Variants in SLC25A21 observed in about 807,000 individuals in gnomAD.
SLC25A21 encodes the protein mitochondrial 2-oxodicarboxylate carrier.
In SLC25A21, 47 loss-of-function variants were observed where a neutral mutation model predicts 43.8. The ratio of observed to expected loss-of-function variants is 1.07; its 90% CI spans 0.85 to 1.37. The LOEUF (loss-of-function observed/expected upper bound fraction) is 1.37. Among genes scored for constraint, SLC25A21 ranks in the 40% most tolerant of loss-of-function variants. SLC25A21 has a pLI of 0.00. For missense variants in SLC25A21, 352 were observed against 350.2 expected (o/e 1.00, Z -0.04); for synonymous variants, 131 against 121.3 (o/e 1.08, Z -0.52).
Position 36,678,483 on chromosome 14 carries a change from G to C in SLC25A21, c.*2175C>G. ...CTTCCATTGACATCTGGAGTTCCCAGTCTGGTGAGAAAATAGACTATAAAC... is the reference window on the plus strand; with the variant it reads ...CTTCCATTGACATCTGGAGTTCCCACTCTGGTGAGAAAATAGACTATAAAC... On this transcript the variant is annotated 3_prime_UTR_variant, in exon 10 of 10. Coordinates refer to ENST00000331299, the MANE Select transcript of SLC25A21 (RefSeq NM_030631.4). 6.5e-7 allele frequency: 1 copy of C among 1,536,674 alleles called. No homozygotes were observed. Among genetic ancestry groups the C allele is most frequent in the African/African-American group, 1.4e-5 (1 of 73,134 alleles).
rs144358527 is a variant in SLC25A21, at chr14:36,979,630, A to G, written c.71-104626T>C. 2.7e-4 allele frequency among the ~76,000 whole-genome samples: 41 copies of G among 152,344 alleles called. 1 individual carries two copies. The highest frequency in any genetic ancestry group is 9.6e-4 in the African/African-American group (40 of 41,590). On this transcript the variant is annotated intron_variant, in intron 1 of 9. Coordinates refer to ENST00000331299, the MANE Select transcript of SLC25A21 (RefSeq NM_030631.4). ...CTTGACCTCTCAAAGTGCAGGTATT[A>G]CAGGCGCAAGCCACCATGCCCAGCC...
At chr14:36,977,732 C>CA (rs1959912401) in intron 1 of SLC25A21, among the ~76,000 whole-genome samples, 1 of 151,942 alleles carries the variant, frequency 6.6e-6, no homozygotes, top group African/African-American at 2.4e-5. Context: ...ACATTACTGT[C>CA]AAAAAGGGAT....
At chr14:36,733,756 G>A (rs1427783166) in intron 4 of SLC25A21, among the ~76,000 whole-genome samples, 1 of 152,160 alleles carries the variant, frequency 6.6e-6, no homozygotes, top group African/African-American at 2.4e-5. Context: ...GGTGATGTCA[G>A]TGGTGCGGGG....
chr14:37,052,973 T>C (rs753860255), intron 1 of SLC25A21, among the ~76,000 whole-genome samples: 47 of 152,234 alleles, frequency 3.1e-4, no homozygotes, highest in Admixed American at 7.9e-4. Flanking sequence ...TTGTCCTTTA[T>C]ATAATCTAAG....
At chr14:37,164,699 CT>C (rs1555350983) in intron 1 of SLC25A21, among the ~76,000 whole-genome samples, 2 of 152,112 alleles carry the variant, frequency 1.3e-5, no homozygotes, top group Non-Finnish European at 2.9e-5. Context: ...AAGGAGTAAT[CT>C]TGTGAAAATG....
intron 1 of SLC25A21, among the ~76,000 whole-genome samples, chr14:36,974,302 T>A (rs925738268): frequency 6.6e-6 from 1 of 152,238 alleles, no homozygotes; most frequent in Non-Finnish European, 1.5e-5. Flanking sequence ...GTTAGAAATA[T>A]GACTCATGCT....
At chr14:36,845,540 C>T (rs965749927) in intron 2 of SLC25A21, among the ~76,000 whole-genome samples, 8 of 152,134 alleles carry the variant, frequency 5.3e-5, no homozygotes, top group Admixed American at 3.9e-4. Flanking sequence ...GTAAAATGTG[C>T]CAAGTATTGC....
intron 1 of SLC25A21, among the ~76,000 whole-genome samples, chr14:37,015,862 C>G (rs147296387): frequency 0.47 from 70,994 of 151,950 alleles, 19,590 homozygotes; most frequent in African/African-American, 0.79. Flanking sequence ...CTCTGTTCAT[C>G]TCCTTCGCCC....
chr14:37,011,649 C>T (rs1214678609), intron 1 of SLC25A21, among the ~76,000 whole-genome samples: 1 of 152,154 alleles, frequency 6.6e-6, no homozygotes, highest in African/African-American at 2.4e-5. Flanking sequence ...CTACCACCAT[C>T]ATTATCTCAG....
At chr14:36,867,790 CGT>C (rs10606711) in intron 2 of SLC25A21, among the ~76,000 whole-genome samples, 106,222 of 146,010 alleles carry the variant, frequency 0.73, 40,251 homozygotes, top group Non-Finnish European at 0.85. Flanking sequence ...ACCATGCTTT[CGT>C]GTGTGTGTGT....
At chr14:36,969,993 A>G (rs944203292) in intron 1 of SLC25A21, among the ~76,000 whole-genome samples, 2 of 152,176 alleles carry the variant, frequency 1.3e-5, no homozygotes, top group African/African-American at 4.8e-5. Flanking sequence ...TATCTTAAAC[A>G]AAGACCCAGA....
intron 7 of SLC25A21, among the ~76,000 whole-genome samples, chr14:36,705,610 C>G (rs183222024): frequency 2.0e-5 from 3 of 152,284 alleles, no homozygotes; most frequent in South Asian, 4.1e-4. Flanking sequence ...GTCTCTGTCT[C>G]TCTCTCACAC....
At chr14:36,850,118 G>A (rs1478413042) in intron 2 of SLC25A21, among the ~76,000 whole-genome samples, 1 of 152,088 alleles carries the variant, frequency 6.6e-6, no homozygotes, top group Non-Finnish European at 1.5e-5. Context: ...CCTTCCAGAG[G>A]AAGAGATGTA....
At chr14:36,939,227 A>C (rs556813450) in intron 1 of SLC25A21, among the ~76,000 whole-genome samples, 85 of 152,118 alleles carry the variant, frequency 5.6e-4, no homozygotes, top group Middle Eastern at 3.4e-3. Flanking sequence ...AAACAAAAGA[A>C]AGTCTTATTT....
At chr14:36,730,496 T>TA (rs1286299096) in intron 4 of SLC25A21, among the ~76,000 whole-genome samples, 2 of 152,178 alleles carry the variant, frequency 1.3e-5, no homozygotes, top group Non-Finnish European at 2.9e-5. Context: ...TCTACTCTAT[T>TA]ATTTTATAGC....
chr14:36,917,153 C>A lies in SLC25A21; in HGVS notation c.71-42149G>T, dbSNP rs182989316. ...GTTTCTTTTTATTTTTCATACATAC[C>A]TGATATTACTGTTCCATTACATATC... On this transcript the variant is annotated intron_variant, in intron 1 of 9. Coordinates refer to ENST00000331299, the MANE Select transcript of SLC25A21 (RefSeq NM_030631.4). 6.6e-5 allele frequency among the ~76,000 whole-genome samples: 10 copies of A among 152,200 alleles called. 1 individual carries two copies. Among genetic ancestry groups the A allele is most frequent in the African/African-American group, 2.4e-4 (10 of 41,526 alleles).
At chr14:37,028,185 G>T (rs1961134278) in intron 1 of SLC25A21, among the ~76,000 whole-genome samples, 3 of 151,900 alleles carry the variant, frequency 2.0e-5, no homozygotes, top group African/African-American at 7.3e-5. Context: ...GAGCCCCAAA[G>T]AAGCCTATAC....
At chr14:36,731,779 T>C (rs1001644424) in intron 4 of SLC25A21, among the ~76,000 whole-genome samples, 1 of 152,146 alleles carries the variant, frequency 6.6e-6, no homozygotes, top group Non-Finnish European at 1.5e-5. Flanking sequence ...CCTCTACAGA[T>C]CTCAGGAGTT....
rs542918337 is a variant in SLC25A21 at position 36,786,021 on chromosome 14, G to T, written c.203+27897C>A. 1.1e-4 allele frequency among the ~76,000 whole-genome samples: 17 copies of T among 152,322 alleles called. No individual in the cohort carries two copies. The South Asian group carries it at 3.3e-3, about 30-fold the overall frequency. ...TGAACATTATTTCTTGGGGACAAAT[G>T]TGATATTCCTAGTCAGATCCTGCCC... is the stretch of plus-strand genomic sequence containing the variant. On this transcript the variant is annotated intron_variant, in intron 3 of 9. Coordinates refer to ENST00000331299, the MANE Select transcript of SLC25A21 (RefSeq NM_030631.4).
Sources: gnomAD v4.1 joint callset for allele counts (sites outside exome capture counted in the v4.1 genomes callset) on GRCh38, gnomAD v4.1.1 for gene constraint, MANE v1.5 for transcripts, NCBI Gene and HGNC (gene_info 2026-07-23, HGNC 2026-07-21) for gene names.